Variants in CXorf58 observed in about 807,000 individuals in gnomAD.
CXorf58 encodes uncharacterized protein CXorf58.
Under a neutral mutation model 26.0 loss-of-function variants are expected in CXorf58, and 24 were observed. That is an observed-to-expected ratio of 0.92 (90% CI 0.67 to 1.30). The LOEUF is 1.30. CXorf58 is among the 50% of genes most tolerant of loss of function. The pLI is 0.00. For missense variants in CXorf58, 236 were observed against 263.9 expected (o/e 0.89, Z 0.73); for synonymous variants, 87 against 86.1 (o/e 1.01, Z -0.06).
intron 5 of CXorf58, among the ~76,000 whole-genome samples, chrX:23,921,832 G>T (rs1366777953): frequency 9.1e-6 from 1 of 109,465 alleles, no homozygotes; most frequent in African/African-American, 3.3e-5. Flanking sequence ...CTGAGTAGCT[G>T]GGATTACAGA....
chrX:23,934,752 G>A (rs1022173294), intron 6 of CXorf58, among the ~76,000 whole-genome samples: 2 of 109,369 alleles, frequency 1.8e-5, no homozygotes, highest in African/African-American at 3.3e-5. Flanking sequence ...TCGAACTCCC[G>A]ACCTCAAGTG....
At chrX:23,928,801 T>A (rs143819922) in intron 6 of CXorf58, among the ~76,000 whole-genome samples, 1,619 of 111,141 alleles carry the variant, frequency 0.015, 28 homozygotes, top group African/African-American at 0.049. Flanking sequence ...TCCCCTCTGG[T>A]CTCTCTATTT....
intron 5 of CXorf58, among the ~76,000 whole-genome samples, chrX:23,920,758 G>T (rs1038380093): frequency 1.8e-5 from 2 of 109,007 alleles, no homozygotes; most frequent in Non-Finnish European, 1.9e-5. Context: ...GGGTGTGGTG[G>T]TGGGCGCCTG....
chrX:23,908,884 T>C (rs918114724), intron 1 of CXorf58, among the ~76,000 whole-genome samples: 2 of 111,805 alleles, frequency 1.8e-5, no homozygotes, highest in Admixed American at 1.9e-4. Context: ...AGTGACATAT[T>C]TCAGTAAAAG....
chrX:23,933,234 G>T (rs1319862125), intron 6 of CXorf58, among the ~76,000 whole-genome samples: 1 of 110,398 alleles, frequency 9.1e-6, no homozygotes, highest in African/African-American at 3.3e-5. Flanking sequence ...GAAGGTGTGT[G>T]TTGAGAGTGT....
At chrX:23,912,712 C>T (rs1291756385) in intron 3 of CXorf58, among the ~76,000 whole-genome samples, 1 of 111,459 alleles carries the variant, frequency 9.0e-6, no homozygotes. Flanking sequence ...CCACTACATT[C>T]CAGCCTGGGC....
chrX:23,921,835 AT>A (rs1195678514), intron 5 of CXorf58, among the ~76,000 whole-genome samples: 3 of 109,420 alleles, frequency 2.7e-5, no homozygotes, highest in African/African-American at 1.0e-4. Context: ...AGTAGCTGGG[AT>A]TACAGACATG....
intron 6 of CXorf58, among the ~76,000 whole-genome samples, chrX:23,933,192 G>C (rs1028772088): frequency 9.1e-6 from 1 of 109,678 alleles, no homozygotes; most frequent in Non-Finnish European, 1.9e-5. Flanking sequence ...GTGTGTGTAT[G>C]TGTGTGAGTG....
At chrX:23,919,902 C>T (rs1421107950) in intron 5 of CXorf58, among the ~76,000 whole-genome samples, 3 of 112,931 alleles carry the variant, frequency 2.7e-5, no homozygotes, top group Non-Finnish European at 5.6e-5. Context: ...CTCTTGCAGA[C>T]TTGTAGAAGT....
rs1264157511 is a variant in CXorf58, at chrX:23,927,316, G to A, written c.501G>A (p.Pro167=). The A allele has an allele frequency of 2.6e-6, 3 of 1,165,619 alleles. No individual in the cohort carries two copies. Among genetic ancestry groups the A allele is most frequent in the East Asian group, 3.1e-5 (1 of 32,106 alleles). The part of the protein sequence containing the change: ...RIIMEDERIF[P]KSKVTDIMDV... Reference sequence around the variant, plus strand: ...TTATGGAAGATGAACGTATTTTCCCGAAGTCCAAAGTAACTGATATAATGG... The same window carrying A: ...TTATGGAAGATGAACGTATTTTCCCAAAGTCCAAAGTAACTGATATAATGG... The change falls in exon 6 of 9, where the codon CCG becomes CCA. Residue 167 remains proline (P), a synonymous_variant. Transcript: ENST00000379211.
At chrX:23,924,543 G>A (rs185155716) in intron 5 of CXorf58, among the ~76,000 whole-genome samples, 1 of 109,251 alleles carries the variant, frequency 9.2e-6, no homozygotes, top group East Asian at 2.9e-4. Context: ...GGCTGGAATC[G>A]AACCCCTGAC....
chrX:23,933,137 A>G (rs1322263804), intron 6 of CXorf58, among the ~76,000 whole-genome samples: 1 of 102,487 alleles, frequency 9.8e-6, no homozygotes, highest in African/African-American at 3.8e-5. Flanking sequence ...TCTCCAGAAA[A>G]GGAAAAAAAA....
At chrX:23,934,853 C>T (rs1194669138) in intron 6 of CXorf58, among the ~76,000 whole-genome samples, 3 of 105,197 alleles carry the variant, frequency 2.9e-5, no homozygotes, top group African/African-American at 1.0e-4. Context: ...TTTTTTTTCT[C>T]TTTTTCTTTT....
intron 1 of CXorf58, among the ~76,000 whole-genome samples, chrX:23,909,701 C>T (rs113132868): frequency 0.073 from 8,101 of 110,908 alleles, 634 homozygotes; most frequent in African/African-American, 0.23. Flanking sequence ...CAAATTGGAG[C>T]ATTACTGCAT....
intron 5 of CXorf58, among the ~76,000 whole-genome samples, chrX:23,926,225 C>T (rs1928009405): frequency 9.0e-6 from 1 of 110,888 alleles, no homozygotes; most frequent in Admixed American, 9.7e-5. Context: ...TAAGTCTCTA[C>T]TCACAGTCTA....
At chrX:23,923,231 C>T (rs758909270) in intron 5 of CXorf58, among the ~76,000 whole-genome samples, 1 of 111,546 alleles carries the variant, frequency 9.0e-6, no homozygotes, top group South Asian at 3.7e-4. Flanking sequence ...TTGCCCTATG[C>T]TGCCAGGCAT....
chrX:23,916,231 C>T lies in CXorf58; in HGVS notation c.326C>T (p.Thr109Met), dbSNP rs768207006. ...CTTTATTTCAGATTTAGAGGTGAAA[C>T]GTTTCCACCTTTCATCGTGTTTAAA... ...CKIRFRFRGE[T>M]FPPFIVFKIF... is the part of the protein sequence containing the mutation. Residue 109 changes from threonine to methionine, a missense_variant, in exon 5 of 9, where the codon ACG (threonine) becomes ATG (methionine). Coordinates refer to ENST00000379211, the MANE Select transcript of CXorf58 (RefSeq NM_152761.3). The T allele has an allele frequency of 5.1e-6, 6 of 1,178,711 alleles. No individual in the cohort carries two copies. The Admixed American group carries it at 7.0e-5, about 14-fold the overall frequency.
At chrX:23,933,311 T>C (rs1186105599) in intron 6 of CXorf58, among the ~76,000 whole-genome samples, 1 of 111,007 alleles carries the variant, frequency 9.0e-6, no homozygotes, top group East Asian at 2.8e-4. Flanking sequence ...CTAAAGGCCT[T>C]CTTGTTATTC....
intron 2 of CXorf58, among the ~76,000 whole-genome samples, chrX:23,911,098 C>G (rs1927566922): frequency 9.0e-6 from 1 of 110,765 alleles, no homozygotes; most frequent in African/African-American, 3.3e-5. Context: ...TTGTAGCCTG[C>G]ATTTTGCCAG....
Sources: gnomAD v4.1 joint callset for allele counts (sites outside exome capture counted in the v4.1 genomes callset) on GRCh38, gnomAD v4.1.1 for gene constraint, MANE v1.5 for transcripts, NCBI Gene and HGNC (gene_info 2026-07-23, HGNC 2026-07-21) for gene names.